The following CTNND2 variants were observed in gnomAD, a reference collection of about 807,000 sequenced individuals.
The protein encoded by CTNND2 is catenin delta-2.
CTNND2 carries 22 observed loss-of-function variants against 144.4 expected under a neutral mutation model. The observed-to-expected ratio is 0.15, with a 90% CI of 0.11 to 0.22. The LOEUF (loss-of-function observed/expected upper bound fraction) is 0.22. Among genes scored for constraint, CTNND2 ranks in the 10% least tolerant of loss-of-function variants. The pLI, the probability that CTNND2 is intolerant of heterozygous loss-of-function variation, is 1.00. For missense variants in CTNND2, 1,353 were observed against 1,618.8 expected, an observed-to-expected ratio of 0.84 and a Z score of 2.82; for synonymous variants, 751 against 695.6, an observed-to-expected ratio of 1.08 and a Z score of -1.25.
At chr5:10,994,764 G>C (rs1437173623) in intron 18 of CTNND2, among the ~76,000 whole-genome samples, 1 of 152,146 alleles carries the variant, frequency 6.6e-6, no homozygotes, top group Admixed American at 6.5e-5. Flanking sequence ...TGGGTGTCCA[G>C]GACAGTTTGG....
At chr5:11,323,287 T>A (rs73057806) in intron 9 of CTNND2, among the ~76,000 whole-genome samples, 5 of 149,178 alleles carry the variant, frequency 3.4e-5, no homozygotes, top group Non-Finnish European at 3.0e-5. Flanking sequence ...CAGCCTCAAA[T>A]AATCTTCCTG....
intron 9 of CTNND2, among the ~76,000 whole-genome samples, chr5:11,306,146 G>C (rs980434162): frequency 7.9e-5 from 12 of 152,188 alleles, no homozygotes; most frequent in Non-Finnish European, 1.2e-4. Flanking sequence ...GAGAAGAACT[G>C]ATTAGAAGAA....
chr5:11,405,387 A>T (rs2149828856), intron 5 of CTNND2, among the ~76,000 whole-genome samples: 1 of 152,338 alleles, frequency 6.6e-6, no homozygotes, highest in African/African-American at 2.4e-5. Context: ...CTTCTGAAAC[A>T]TCTACATGGT....
chr5:11,807,082 T>C (rs969531825), intron 1 of CTNND2, among the ~76,000 whole-genome samples: 6 of 152,192 alleles, frequency 3.9e-5, no homozygotes, highest in African/African-American at 1.2e-4. Flanking sequence ...TCACCCCTGC[T>C]TAAACTCTGT....
chr5:11,064,895 T>G lies in CTNND2; in HGVS notation c.2788+17801A>C, dbSNP rs1392097722. Among the ~76,000 whole-genome samples the G allele has an allele frequency of 3.9e-5, 6 of 152,360 alleles. No individual in the cohort carries two copies. The East Asian group carries it at 1.2e-3, about 29-fold the overall frequency. Reference sequence around the variant, plus strand: ...AACTGGGATTTTAGGCAGTGGTGATTTGTTTTTTCTGCACCCAGTTCAAGC... The same window carrying G: ...AACTGGGATTTTAGGCAGTGGTGATGTGTTTTTTCTGCACCCAGTTCAAGC... On this transcript the variant is annotated intron_variant, in intron 16 of 21. Transcript: ENST00000304623.
In CTNND2 at chr5:11,586,158, T is replaced by C. The variant is rs1380316836; in HGVS notation, c.175-21102A>G. 2.6e-5 allele frequency among the ~76,000 whole-genome samples: 4 copies of C among 152,304 alleles called. No homozygotes were observed. The East Asian group carries it at 7.7e-4, about 29-fold the overall frequency. ...TTCATTTATTAAAGGTTATTTTGTGTGTCACTTAATATTTATTCATCTCAG... is the reference window on the plus strand; with the variant it reads ...TTCATTTATTAAAGGTTATTTTGTGCGTCACTTAATATTTATTCATCTCAG... On this transcript the variant is annotated intron_variant, in intron 2 of 21. Transcript: ENST00000304623.
intron 9 of CTNND2, among the ~76,000 whole-genome samples, chr5:11,333,900 G>C (rs1753460434): frequency 6.6e-6 from 1 of 152,182 alleles, no homozygotes. Flanking sequence ...GGCCAGCTCT[G>C]CTTCATTTCG....
intron 2 of CTNND2, among the ~76,000 whole-genome samples, chr5:11,673,484 G>A (rs1784014565): frequency 6.6e-6 from 1 of 152,044 alleles, no homozygotes; most frequent in Non-Finnish European, 1.5e-5. Flanking sequence ...ATCTGAAATT[G>A]CAGTAAATGA....
intron 3 of CTNND2, among the ~76,000 whole-genome samples, chr5:11,454,730 A>G (rs1054333967): frequency 6.6e-6 from 1 of 151,650 alleles, no homozygotes; most frequent in Non-Finnish European, 1.5e-5. Context: ...CCTTCCAAGT[A>G]TCTGGGACTA....
At chr5:11,774,528 T>C (rs1318434865) in intron 1 of CTNND2, among the ~76,000 whole-genome samples, 1 of 122,794 alleles carries the variant, frequency 8.1e-6, no homozygotes, top group Non-Finnish European at 1.7e-5. Flanking sequence ...TGTGCACATG[T>C]ACCCTAAAAC....
intron 2 of CTNND2, among the ~76,000 whole-genome samples, chr5:11,619,481 T>C (rs10038492): frequency 0.017 from 2,634 of 152,276 alleles, 87 homozygotes; most frequent in African/African-American, 0.059. Context: ...TGGCACTGCA[T>C]GCAGTCTGAG....
chr5:10,991,904 CTA>C (rs1738719443), intron 19 of CTNND2, among the ~76,000 whole-genome samples: 1 of 152,146 alleles, frequency 6.6e-6, no homozygotes, highest in South Asian at 2.1e-4. Context: ...GCAACTCAAA[CTA>C]TTTTTATTTT....
At chr5:11,415,296 A>G (rs1405378798) in intron 3 of CTNND2, among the ~76,000 whole-genome samples, 2 of 152,144 alleles carry the variant, frequency 1.3e-5, no homozygotes, top group Non-Finnish European at 2.9e-5. Flanking sequence ...AAATCAAGTC[A>G]TGGTGGCGCT....
intron 3 of CTNND2, among the ~76,000 whole-genome samples, chr5:11,439,737 G>C (rs967730984): frequency 2.9e-4 from 40 of 136,662 alleles, no homozygotes; most frequent in African/African-American, 1.1e-3. Flanking sequence ...CTCTCTGCTA[G>C]CTATATCTAT....
At chr5:11,548,676 C>T (rs1486487308) in intron 3 of CTNND2, among the ~76,000 whole-genome samples, 2 of 152,172 alleles carry the variant, frequency 1.3e-5, no homozygotes, top group Non-Finnish European at 2.9e-5. Flanking sequence ...CAATCTTCCT[C>T]AGGAACAACG....
At chr5:11,818,839 A>G (rs1793157927) in intron 1 of CTNND2, among the ~76,000 whole-genome samples, 1 of 152,194 alleles carries the variant, frequency 6.6e-6, no homozygotes, top group African/African-American at 2.4e-5. Context: ...ACTGTGAGTA[A>G]CATGGTCAAC....
intron 11 of CTNND2, among the ~76,000 whole-genome samples, chr5:11,197,045 T>C (rs1035407950): frequency 1.3e-5 from 2 of 152,192 alleles, no homozygotes; most frequent in Non-Finnish European, 2.9e-5. Context: ...TCAGAAGGCT[T>C]TGTCTAGAGC....
At chr5:11,080,334 G>C (rs1464832785) in intron 16 of CTNND2, among the ~76,000 whole-genome samples, 2 of 152,156 alleles carry the variant, frequency 1.3e-5, no homozygotes, top group Non-Finnish European at 2.9e-5. Flanking sequence ...AGGATGCAGA[G>C]AAAGAGAAAC....
chr5:11,092,484 G>A (rs1006788251), intron 15 of CTNND2, among the ~76,000 whole-genome samples: 3 of 152,140 alleles, frequency 2.0e-5, no homozygotes, highest in Non-Finnish European at 2.9e-5. Context: ...GCTGCTTCCC[G>A]GGTCTTGCAG....
Sources: allele counts gnomAD v4.1 joint callset (sites outside exome capture counted in the v4.1 genomes callset), GRCh38; gene constraint gnomAD v4.1.1; transcripts MANE v1.5; gene names NCBI Gene and HGNC (gene_info 2026-07-23, HGNC 2026-07-21).